The following TRPM3 variants were observed in gnomAD, a reference collection of about 807,000 sequenced individuals.
TRPM3 encodes the protein transient receptor potential cation channel subfamily M member 3.
In TRPM3, 77 loss-of-function variants were observed where a neutral mutation model predicts 181.2. The observed-to-expected ratio is 0.42, with a 90% confidence interval of 0.35 to 0.51. The LOEUF (loss-of-function observed/expected upper bound fraction) is 0.51, where lower values mean the gene tolerates loss of function less well. Among genes scored for constraint, TRPM3 ranks in the 20% least tolerant of loss-of-function variants. TRPM3 has a pLI of 0.01. For missense variants in TRPM3, 1,759 were observed against 2,196.7 expected (o/e 0.80, Z 3.98); for synonymous variants, 745 against 796.4 (o/e 0.94, Z 1.09).
intron 1 of TRPM3, among the ~76,000 whole-genome samples, chr9:71,323,106 C>T (rs964474497): frequency 3.3e-5 from 5 of 151,838 alleles, no homozygotes; most frequent in Non-Finnish European, 7.4e-5. Context: ...TCTTTTTTTC[C>T]CCTTACAGTT....
chr9:71,315,586 T>C lies in TRPM3; in HGVS notation c.183+131067A>G, dbSNP rs545795377. On this transcript the variant is annotated intron_variant, in intron 1 of 24. Transcript: ENST00000357533. ...AGACCATCAAATCCAGCTAAGTTTATAGCCATCTACTAGATTCACATGAAT... is the reference window on the plus strand; with the variant it reads ...AGACCATCAAATCCAGCTAAGTTTACAGCCATCTACTAGATTCACATGAAT... Among the ~76,000 whole-genome samples, 14 of 152,296 alleles carry C rather than the reference T, an allele frequency of 9.2e-5. 1 individual carries two copies. The highest frequency in any genetic ancestry group is 2.6e-4 in the African/African-American group (11 of 41,578).
chr9:70,794,801 C>T (rs534216856), intron 6 of TRPM3, among the ~76,000 whole-genome samples: 9 of 152,272 alleles, frequency 5.9e-5, no homozygotes, highest in South Asian at 4.1e-4. Context: ...ACAAAGCTAA[C>T]GACATATAAG....
chr9:70,701,879 A>G (rs1375687919), intron 8 of TRPM3, among the ~76,000 whole-genome samples: 2 of 151,176 alleles, frequency 1.3e-5, no homozygotes, highest in African/African-American at 4.9e-5. Flanking sequence ...CTTCCCAGTG[A>G]TGTTCAGTAT....
intron 1 of TRPM3, among the ~76,000 whole-genome samples, chr9:70,913,039 T>C (rs1409853770): frequency 6.6e-6 from 1 of 152,170 alleles, no homozygotes; most frequent in Admixed American, 6.5e-5. Flanking sequence ...TGTATGCTTG[T>C]AAAATAAAAT....
chr9:70,635,360 G>T, intron 11 of TRPM3, 99 bp from the exon 12 acceptor site: 2 of 973,516 alleles, frequency 2.1e-6, no homozygotes, highest in Non-Finnish European at 3.2e-6. Context: ...CTGGTGGAGG[G>T]CAGTTCATTA....
chr9:70,909,450 T>C (rs1000071056), intron 1 of TRPM3, among the ~76,000 whole-genome samples: 2 of 152,074 alleles, frequency 1.3e-5, no homozygotes, highest in Non-Finnish European at 2.9e-5. Flanking sequence ...CCAGCCATGG[T>C]GGACATAAAG....
intron 1 of TRPM3, among the ~76,000 whole-genome samples, chr9:71,190,790 A>C (rs1280693858): frequency 1.3e-5 from 2 of 151,780 alleles, no homozygotes; most frequent in Non-Finnish European, 2.9e-5. Flanking sequence ...CTGTTACATA[A>C]CCACTCTGAT....
intron 1 of TRPM3, among the ~76,000 whole-genome samples, chr9:71,380,514 A>G (rs2092773762): frequency 6.6e-6 from 1 of 152,042 alleles, no homozygotes; most frequent in Admixed American, 6.6e-5. Context: ...GGGAATCAGT[A>G]ACCAACTCAA....
At chr9:71,325,844 G>C (rs2089645686) in intron 1 of TRPM3, among the ~76,000 whole-genome samples, 1 of 151,800 alleles carries the variant, frequency 6.6e-6, no homozygotes, top group Non-Finnish European at 1.5e-5. Flanking sequence ...TTTTCTATTG[G>C]CACTTTTTCT....
rs936480106 is a variant in TRPM3 at position 70,537,327 on chromosome 9, G to A, written c.3786C>T (p.Asp1262=). The A allele has an allele frequency of 6.6e-7, 1 of 1,521,644 alleles. No homozygotes were observed. Among genetic ancestry groups the A allele is most frequent in the South Asian group, 1.3e-5 (1 of 76,814 alleles). The allele number at this position is 1,521,644 out of a possible 1,614,324, so 94.3% of individuals were successfully genotyped here. ...GGTCTTCCAGCTGCGCCAGCCGGATGTCCACGGTCTGGAGTGAAGCCTTCA... is the reference window on the plus strand; with the variant it reads ...GGTCTTCCAGCTGCGCCAGCCGGATATCCACGGTCTGGAGTGAAGCCTTCA... ...HSMKASLQTV[D]IRLAQLEDLI... The change falls in exon 26 of 26, where the codon GAC becomes GAT. Residue 1262 remains aspartate (D), a synonymous_variant. Coordinates refer to ENST00000677713, the MANE Select transcript of TRPM3 (RefSeq NM_001366145.2).
chr9:71,326,005 T>G (rs114592308), intron 1 of TRPM3, among the ~76,000 whole-genome samples: 1 of 152,208 alleles, frequency 6.6e-6, no homozygotes. Flanking sequence ...AAGAATGGAT[T>G]CTAGTGATGT....
chr9:70,864,329 T>C (rs2095591497), intron 2 of TRPM3, 103 bp downstream of exon 2: 2 of 740,176 alleles, frequency 2.7e-6, no homozygotes, highest in East Asian at 3.0e-5. Flanking sequence ...ATAAAAGATA[T>C]TTAATTTGAC....
chr9:70,559,915 A>G (rs1224567297), intron 22 of TRPM3, among the ~76,000 whole-genome samples: 1 of 152,196 alleles, frequency 6.6e-6, no homozygotes, highest in Non-Finnish European at 1.5e-5. Context: ...ATTCCCCCAC[A>G]TACATCCTGG....
At position 70,915,666 on chromosome 9, in the gene TRPM3, G is replaced by T. The variant is rs1189192702; in HGVS notation, c.178-51155C>A. 2.0e-5 allele frequency among the ~76,000 whole-genome samples: 3 copies of T among 150,850 alleles called. No homozygotes were observed. The East Asian group carries it at 5.9e-4, about 29-fold the overall frequency. On this transcript the variant is annotated intron_variant, in intron 1 of 25. Transcript: ENST00000677713. ...GAAGAAAGAATTAGTGAGCTTGAAG[G>T]CAAGCTATTTGAAAATACATGTCAG...
chr9:70,980,574 T>C (rs986469327), intron 1 of TRPM3, among the ~76,000 whole-genome samples: 2 of 152,118 alleles, frequency 1.3e-5, no homozygotes, highest in Admixed American at 6.5e-5. Flanking sequence ...GGCATCTGCT[T>C]CTTGTTCTTA....
intron 1 of TRPM3, among the ~76,000 whole-genome samples, chr9:70,924,298 T>C (rs2096696887): frequency 6.6e-6 from 1 of 152,172 alleles, no homozygotes; most frequent in African/African-American, 2.4e-5. Context: ...CCCAAAATTA[T>C]AGTCACACTG....
chr9:71,276,452 C>T (rs923420734), intron 1 of TRPM3, among the ~76,000 whole-genome samples: 1 of 151,694 alleles, frequency 6.6e-6, no homozygotes, highest in African/African-American at 2.4e-5. Flanking sequence ...TACTATGTAG[C>T]ATATACAAAA....
At chr9:71,212,839 C>T (rs2079591062) in intron 1 of TRPM3, among the ~76,000 whole-genome samples, 1 of 141,524 alleles carries the variant, frequency 7.1e-6, no homozygotes, top group South Asian at 2.4e-4. Context: ...AGAGTGATCA[C>T]AGCCAGCTTT....
chr9:71,022,665 G>A (rs938270423), intron 1 of TRPM3, among the ~76,000 whole-genome samples: 6 of 151,788 alleles, frequency 4.0e-5, no homozygotes, highest in African/African-American at 7.3e-5. Context: ...ACCATTGCAC[G>A]CCAGCCTGTG....
Sources: allele counts gnomAD v4.1 joint callset (sites outside exome capture counted in the v4.1 genomes callset), GRCh38; gene constraint gnomAD v4.1.1; transcripts MANE v1.5; gene names NCBI Gene and HGNC (gene_info 2026-07-23, HGNC 2026-07-21).